XRCC4: variants seen among roughly 807,000 people sequenced by gnomAD.
XRCC4 encodes the protein DNA repair protein XRCC4.
Under a neutral mutation model 39.1 loss-of-function variants are expected in XRCC4, and 28 were observed. The ratio of observed to expected loss-of-function variants is 0.72; its 90% CI spans 0.53 to 0.98. XRCC4 has a LOEUF of 0.98. XRCC4 is among the 50% of genes least tolerant of loss of function. The pLI, the probability that XRCC4 is intolerant of heterozygous loss-of-function variation, is 0.00. For missense variants in XRCC4, 350 were observed against 376.4 expected, an observed-to-expected ratio of 0.93 and a Z score of 0.58; for synonymous variants, 123 against 126.4, an observed-to-expected ratio of 0.97 and a Z score of 0.18.
intron 3 of XRCC4, among the ~76,000 whole-genome samples, chr5:83,183,371 A>G (rs1399444756): frequency 1.3e-5 from 2 of 150,340 alleles, no homozygotes; most frequent in Non-Finnish European, 3.0e-5. Context: ...AGCTTCCTGT[A>G]ATGACCCCGT....
intron 3 of XRCC4, among the ~76,000 whole-genome samples, chr5:83,144,176 G>C (rs1372662667): frequency 1.3e-5 from 2 of 151,764 alleles, no homozygotes; most frequent in African/African-American, 2.4e-5. Flanking sequence ...CCATTCCCAA[G>C]TTACTTCACT....
chr5:83,353,387 A>C lies in XRCC4; in HGVS notation c.*145A>C. 2 of 610,770 alleles carry C rather than the reference A, an allele frequency of 3.3e-6. No individual in the cohort carries two copies. The highest frequency in any genetic ancestry group is 5.6e-6 in the Non-Finnish European group (2 of 355,360). The allele number at this position is 610,770 out of a possible 1,614,324, so 37.8% of individuals were successfully genotyped here. The stretch of plus-strand genomic sequence containing the variant: ...ACACAGTGAATTGAAACCATTGTGC[A>C]AAATGGATTACACATGTATACAAAG... On this transcript the variant is annotated 3_prime_UTR_variant, in exon 8 of 8. Transcript: ENST00000396027.
intron 1 of XRCC4, among the ~76,000 whole-genome samples, chr5:83,080,503 G>C (rs1744887066): frequency 1.3e-5 from 2 of 148,854 alleles, no homozygotes; most frequent in South Asian, 4.3e-4. Context: ...TCCTGCGTGG[G>C]CAACAGAGCG....
chr5:83,152,197 T>C (rs1415888949), intron 3 of XRCC4, among the ~76,000 whole-genome samples: 1 of 152,254 alleles, frequency 6.6e-6, no homozygotes, highest in East Asian at 1.9e-4. Context: ...TAGTTTAATA[T>C]TGATGTCTGA....
At chr5:83,119,389 A>T (rs998841061) in intron 3 of XRCC4, among the ~76,000 whole-genome samples, 1 of 152,208 alleles carries the variant, frequency 6.6e-6, no homozygotes, top group Non-Finnish European at 1.5e-5. Flanking sequence ...GATACTGAAC[A>T]CTATATAATT....
chr5:83,249,556 A>G lies in XRCC4; in HGVS notation c.746-8974A>G, dbSNP rs150237949. 5.8e-4 allele frequency among the ~76,000 whole-genome samples: 89 copies of G among 152,302 alleles called. 1 individual carries two copies. Among genetic ancestry groups the G allele is most frequent in the African/African-American group, 2.1e-3 (86 of 41,590 alleles). ...TAGAATGTTTTTTCCTAATGTATCAAAATTATTCCAGAGTTTTCTGAGATT... is the reference window on the plus strand; with the variant it reads ...TAGAATGTTTTTTCCTAATGTATCAGAATTATTCCAGAGTTTTCTGAGATT... On this transcript the variant is annotated intron_variant, in intron 6 of 7. Transcript: ENST00000396027.
chr5:83,142,490 G>T (rs10042018), intron 3 of XRCC4, among the ~76,000 whole-genome samples: 73,182 of 151,596 alleles, frequency 0.48, 18,558 homozygotes, highest in African/African-American at 0.63. Flanking sequence ...GTGCTTAAAT[G>T]TTAATTTAGT....
chr5:83,161,370 A>G (rs1018882867), intron 3 of XRCC4, among the ~76,000 whole-genome samples: 29 of 152,046 alleles, frequency 1.9e-4, no homozygotes, highest in Non-Finnish European at 2.8e-4. Context: ...GACCTCAGGT[A>G]ATCCACAGGC....
chr5:83,293,232 C>A (rs1395024651), intron 7 of XRCC4, among the ~76,000 whole-genome samples: 3 of 151,858 alleles, frequency 2.0e-5, no homozygotes, highest in Admixed American at 2.0e-4. Flanking sequence ...TATGTATCAC[C>A]ATAATGTCTT....
At chr5:83,139,654 A>G (rs1230872441) in intron 3 of XRCC4, among the ~76,000 whole-genome samples, 1 of 152,166 alleles carries the variant, frequency 6.6e-6, no homozygotes, top group Non-Finnish European at 1.5e-5. Flanking sequence ...ACAAACCTAG[A>G]TGACATATCA....
At chr5:83,110,763 C>T in intron 2 of XRCC4, among the ~76,000 whole-genome samples, 1 of 152,026 alleles carries the variant, frequency 6.6e-6, no homozygotes, top group East Asian at 1.9e-4. Context: ...TAATAATTTA[C>T]AATGCGTTTC....
At chr5:83,259,342 A>G (rs1021787449) in intron 7 of XRCC4, 3 of 152,080 alleles carry the variant, frequency 2.0e-5, no homozygotes, top group African/African-American at 4.8e-5. Context: ...TATTTTTTCT[A>G]AAGTTTTTGT....
intron 3 of XRCC4, among the ~76,000 whole-genome samples, chr5:83,173,289 A>G (rs1461886687): frequency 1.3e-5 from 2 of 152,130 alleles, no homozygotes; most frequent in Non-Finnish European, 2.9e-5. Flanking sequence ...TTAATGTTTT[A>G]CGCTGCTACT....
intron 3 of XRCC4, among the ~76,000 whole-genome samples, chr5:83,164,519 A>C (rs1426506063): frequency 6.6e-6 from 1 of 152,098 alleles, no homozygotes; most frequent in East Asian, 1.9e-4. Context: ...GTTGTGCAGC[A>C]TGGTGACTAT....
intron 2 of XRCC4, among the ~76,000 whole-genome samples, chr5:83,109,026 G>A (rs576452450): frequency 6.6e-6 from 1 of 151,548 alleles, no homozygotes; most frequent in East Asian, 1.9e-4. Flanking sequence ...AAGGTTGTGT[G>A]ACGTATGAGA....
chr5:83,232,790 A>G (rs752071944), intron 6 of XRCC4, among the ~76,000 whole-genome samples: 3 of 152,168 alleles, frequency 2.0e-5, no homozygotes, highest in Non-Finnish European at 2.9e-5. Context: ...CATTGACTTT[A>G]TGCTGTTATT....
intron 7 of XRCC4, among the ~76,000 whole-genome samples, chr5:83,335,941 G>C (rs1756581667): frequency 6.6e-6 from 1 of 151,910 alleles, no homozygotes; most frequent in Admixed American, 6.6e-5. Context: ...CTACACATAA[G>C]CAACCATGGT....
intron 3 of XRCC4, among the ~76,000 whole-genome samples, chr5:83,123,066 G>A (rs1034763166): frequency 6.6e-6 from 1 of 151,986 alleles, no homozygotes; most frequent in Non-Finnish European, 1.5e-5. Context: ...GTTGGTTGGT[G>A]GTGTTAAGTT....
chr5:83,313,816 T>C (rs1335689321), intron 7 of XRCC4, among the ~76,000 whole-genome samples: 1 of 152,132 alleles, frequency 6.6e-6, no homozygotes, highest in African/African-American at 2.4e-5. Context: ...CCACTCCTAA[T>C]ATAATTCCCT....
Sources: gnomAD v4.1 joint callset for allele counts (sites outside exome capture counted in the v4.1 genomes callset) on GRCh38, gnomAD v4.1.1 for gene constraint, MANE v1.5 for transcripts, NCBI Gene and HGNC (gene_info 2026-07-23, HGNC 2026-07-21) for gene names.